The following PCDH15 variants were observed in gnomAD, a reference collection of about 807,000 sequenced individuals.
The protein encoded by PCDH15 is protocadherin-15.
Under a neutral mutation model 178.5 loss-of-function variants are expected in PCDH15, and 129 were observed. The observed-to-expected ratio is 0.72, with a 90% confidence interval of 0.63 to 0.84. The LOEUF is 0.84. PCDH15 is among the 40% of genes least tolerant of loss of function. The probability of loss-of-function intolerance (pLI) is 0.00; values close to 1 mark genes in which losing one functional copy is unlikely to be tolerated. For missense variants in PCDH15, 2,230 were observed against 2,099.9 expected, an observed-to-expected ratio of 1.06 and a Z score of -1.21; for synonymous variants, 800 against 732.0, an observed-to-expected ratio of 1.09 and a Z score of -1.50.
intron 3 of PCDH15, among the ~76,000 whole-genome samples, chr10:54,806,726 C>A (rs1258193068): frequency 6.6e-6 from 1 of 152,070 alleles, no homozygotes; most frequent in Non-Finnish European, 1.5e-5. Context: ...CCTCGTGATC[C>A]ACCCGCCTTG....
intron 2 of PCDH15, among the ~76,000 whole-genome samples, chr10:55,337,479 A>G (rs1844425308): frequency 6.6e-6 from 1 of 152,188 alleles, no homozygotes; most frequent in Admixed American, 6.5e-5. Context: ...CTTCCAATTT[A>G]TAATTGTAAT....
chr10:55,482,065 AC>A (rs1253191381), intron 2 of PCDH15, among the ~76,000 whole-genome samples: 1 of 151,604 alleles, frequency 6.6e-6, no homozygotes, highest in Non-Finnish European at 1.5e-5. Context: ...GTGAATCTAA[AC>A]CTTTACCATT....
At chr10:54,597,262 C>T (rs1248782948) in intron 2 of PCDH15, among the ~76,000 whole-genome samples, 3 of 151,978 alleles carry the variant, frequency 2.0e-5, no homozygotes, top group African/African-American at 7.2e-5. Context: ...TGGACAACAG[C>T]ACAATAAACA....
intron 1 of PCDH15, among the ~76,000 whole-genome samples, chr10:54,794,823 C>T (rs982720322): frequency 2.6e-5 from 4 of 151,872 alleles, no homozygotes; most frequent in African/African-American, 9.7e-5. Context: ...AAACCAAACT[C>T]TTGCATTCAT....
At chr10:55,033,682 C>G (rs1395156803) in intron 2 of PCDH15, among the ~76,000 whole-genome samples, 1 of 152,064 alleles carries the variant, frequency 6.6e-6, no homozygotes, top group Non-Finnish European at 1.5e-5. Context: ...TGGACTTAGA[C>G]TTTAAAGTTG....
At chr10:53,908,718 G>C (rs2082854134) in intron 25 of PCDH15, among the ~76,000 whole-genome samples, 1 of 152,142 alleles carries the variant, frequency 6.6e-6, no homozygotes, top group Non-Finnish European at 1.5e-5. Flanking sequence ...AAACCTTAAA[G>C]GAAAGGACTG....
chr10:54,947,173 C>G lies in PCDH15; in HGVS notation c.-79-49673G>C, dbSNP rs537994620. 1.2e-4 allele frequency among the ~76,000 whole-genome samples: 18 copies of G among 151,944 alleles called. No individual in the cohort carries two copies. In the South Asian group the frequency reaches 3.1e-3, roughly 26 times the overall value. ...TAGTAAGACGTAATAAGACATAACA[C>G]TAGTTAACATTTCTAGAGTACTTAC... is the stretch of plus-strand genomic sequence containing the variant. On this transcript the variant is annotated intron_variant, in intron 2 of 5. Coordinates refer to the PCDH15 transcript ENST00000458638.
intron 2 of PCDH15, among the ~76,000 whole-genome samples, chr10:54,982,818 T>C (rs908255200): frequency 6.6e-6 from 1 of 152,180 alleles, no homozygotes; most frequent in Non-Finnish European, 1.5e-5. Context: ...ATGTAAGCAT[T>C]ATATTGATAA....
chr10:54,097,615 A>G (rs948055935), intron 15 of PCDH15, among the ~76,000 whole-genome samples: 9 of 152,206 alleles, frequency 5.9e-5, no homozygotes, highest in African/African-American at 2.2e-4. Flanking sequence ...CCTTCATAAA[A>G]GCAGAAATTT....
At chr10:55,402,247 CTAA>C (rs1249486723) in intron 2 of PCDH15, among the ~76,000 whole-genome samples, 1 of 151,946 alleles carries the variant, frequency 6.6e-6, no homozygotes, top group Non-Finnish European at 1.5e-5. Context: ...TTATTTATAC[CTAA>C]TAATTACATA....
At chr10:54,858,219 C>G (rs1953775098) in intron 3 of PCDH15, among the ~76,000 whole-genome samples, 1 of 152,112 alleles carries the variant, frequency 6.6e-6, no homozygotes, top group Non-Finnish European at 1.5e-5. Context: ...CAGGTTCATT[C>G]ATTTTTTTGT....
intron 5 of PCDH15, among the ~76,000 whole-genome samples, chr10:54,355,427 A>G (rs534455662): frequency 6.6e-6 from 1 of 152,134 alleles, no homozygotes; most frequent in East Asian, 1.9e-4. Context: ...TAATTATAAA[A>G]TATCTCAAAT....
rs1038582725 is a variant in PCDH15 at position 54,643,190 on chromosome 10, G to A, written c.91+20982C>T. ...TCTGCCCACCTTGGCCTCCCAAAGT[G>A]CTGGGATTACAGGTGTGAGCCACCA... On this transcript the variant is annotated intron_variant, in intron 2 of 37. Coordinates refer to ENST00000644397, the MANE Select transcript of PCDH15 (RefSeq NM_001384140.1). Among the ~76,000 whole-genome samples the A allele has an allele frequency of 3.3e-5, 5 of 152,314 alleles. No homozygotes were observed. The East Asian group carries it at 9.6e-4, about 29-fold the overall frequency.
chr10:54,289,666 T>G (rs907436106), intron 8 of PCDH15, among the ~76,000 whole-genome samples: 31 of 152,106 alleles, frequency 2.0e-4, no homozygotes, highest in Non-Finnish European at 2.9e-5. Context: ...GTTAGACGAA[T>G]GCCTAACCAG....
chr10:55,169,872 T>C (rs1839284379), intron 1 of PCDH15, among the ~76,000 whole-genome samples: 1 of 152,158 alleles, frequency 6.6e-6, no homozygotes, highest in Non-Finnish European at 1.5e-5. Context: ...TAATGTGATT[T>C]AAATAATAAG....
chr10:54,708,797 TGTGTGCGC>T (rs1224866407), intron 1 of PCDH15, among the ~76,000 whole-genome samples: 11 of 147,788 alleles, frequency 7.4e-5, no homozygotes, highest in South Asian at 2.1e-4. Context: ...TGTGTGTGTG[TGTGTGCGC>T]GCGCGTGCGT....
At chr10:54,411,185 C>T (rs1953453139) in intron 3 of PCDH15, among the ~76,000 whole-genome samples, 1 of 150,772 alleles carries the variant, frequency 6.6e-6, no homozygotes, top group South Asian at 2.1e-4. Context: ...AAGAATAGAA[C>T]ATTTAACTAC....
chr10:53,955,762 T>G (rs2087551319), intron 23 of PCDH15, among the ~76,000 whole-genome samples: 1 of 152,184 alleles, frequency 6.6e-6, no homozygotes, highest in East Asian at 1.9e-4. Flanking sequence ...AAGACCATCC[T>G]AATAATCAAA....
chr10:54,117,552 C>A (rs1223387190), intron 15 of PCDH15, among the ~76,000 whole-genome samples: 1 of 152,182 alleles, frequency 6.6e-6, no homozygotes, highest in Non-Finnish European at 1.5e-5. Flanking sequence ...GCCCAACCAG[C>A]AGGTCCTGAG....
Sources: gnomAD v4.1 joint callset for allele counts (sites outside exome capture counted in the v4.1 genomes callset) on GRCh38, gnomAD v4.1.1 for gene constraint, MANE v1.5 for transcripts, NCBI Gene and HGNC (gene_info 2026-07-23, HGNC 2026-07-21) for gene names.